CACNA1S: variants seen among roughly 807,000 people sequenced by gnomAD.
CACNA1S encodes calcium voltage-gated channel subunit alpha1 S.
A neutral mutation model predicts 207.4 loss-of-function variants in CACNA1S; 126 were observed. The ratio of observed to expected loss-of-function variants is 0.61; its 90% confidence interval spans 0.53 to 0.70. CACNA1S has a LOEUF of 0.70. Among genes scored for constraint, CACNA1S ranks in the 30% least tolerant of loss-of-function variants. The probability of loss-of-function intolerance (pLI) is 0.00; values close to 1 mark genes in which losing one functional copy is unlikely to be tolerated. For missense variants in CACNA1S, 2,349 were observed against 2,422.8 expected (o/e 0.97, Z 0.64); for synonymous variants, 960 against 932.7 (o/e 1.03, Z -0.53).
In CACNA1S at chr1:201,061,173, C is replaced by A. The variant is rs577693662; in HGVS notation, c.3255+94G>T. ...ATCAAATGCAGGTTCTGGGGTCACC[C>A]TTAGGCCTCTCTTCCCTGGCTGAAC... On this transcript the variant is annotated intron_variant, in intron 25 of 43. Coordinates refer to ENST00000362061, the MANE Select transcript of CACNA1S (RefSeq NM_000069.3). The A allele has an allele frequency of 1.1e-5, 12 of 1,114,860 alleles. No homozygotes were observed. In the Admixed American group the frequency reaches 1.9e-4, roughly 17 times the overall value. The allele number at this position is 1,114,860 out of a possible 1,614,324, so 69.1% of individuals were successfully genotyped here.
intron 43 of CACNA1S, 25 bp downstream of exon 43, chr1:201,040,206 T>G (rs1660089462): frequency 6.2e-7 from 1 of 1,612,870 alleles, no homozygotes; most frequent in East Asian, 2.2e-5. Flanking sequence ...ATGCAGCCAC[T>G]GCTGTGACCC....
intron 10 of CACNA1S, among the ~76,000 whole-genome samples, chr1:201,080,379 CT>C (rs1203544949): frequency 6.6e-6 from 1 of 152,094 alleles, no homozygotes; most frequent in African/African-American, 2.4e-5. Flanking sequence ...AAAATCACCC[CT>C]GACTCCTCTT....
rs1660693118 is a variant in CACNA1S, at chr1:201,052,603, T to C, written c.3907A>G (p.Asn1303Asp). The C allele has an allele frequency of 6.2e-7, 1 of 1,613,830 alleles. No homozygotes were observed. The highest frequency in any genetic ancestry group is 8.5e-7 in the Non-Finnish European group (1 of 1,179,972). Residue 1303 changes from asparagine to aspartate, a missense_variant, in exon 32 of 44, where the codon AAC becomes GAC. Physicochemically the swap from Asn to Asp is conservative, Grantham distance 23. Coordinates refer to ENST00000362061, the MANE Select transcript of CACNA1S (RefSeq NM_000069.3). ...TGTGGGAAGGTCTGGAAGTTGTTGT[T>C]CCGGTTTATTTGGGTCCCATCCACC... ...ALVDGTQINR[N>D]NNFQTFPQAV...
intron 10 of CACNA1S, among the ~76,000 whole-genome samples, chr1:201,079,179 G>C (rs1457835647): frequency 1.3e-5 from 2 of 149,460 alleles, no homozygotes; most frequent in Non-Finnish European, 3.0e-5. Context: ...TTCTATCCTA[G>C]CTCTCTCCTC....
chr1:201,050,620 T>C, intron 33 of CACNA1S, 104 bp from the exon 34 acceptor site: 4 of 1,362,804 alleles, frequency 2.9e-6, no homozygotes, highest in Non-Finnish European at 4.1e-6. Flanking sequence ...TCTCGCTTCC[T>C]GTGCCCTTGA....
Position 201,054,579 on chromosome 1 carries a change from GA to G in CACNA1S, c.3610-19del. ...AGGAAAGTCTGTGGAGAAAAGAGAC[GA>G]AGGGAGGGGAAGGAGAGGAGAGAGA... is the stretch of plus-strand genomic sequence containing the variant. On this transcript the variant is annotated intron_variant, in intron 28 of 43. Transcript: ENST00000362061. 6.2e-7 allele frequency: 1 copy of G among 1,603,630 alleles called. No individual in the cohort carries two copies. Among genetic ancestry groups the G allele is most frequent in the Non-Finnish European group, 8.5e-7 (1 of 1,173,600 alleles).
rs1662091140 is a variant in CACNA1S, at chr1:201,087,902, G to C, written c.928C>G (p.Pro310Ala). 3 of 1,613,364 alleles carry C rather than the reference G, an allele frequency of 1.9e-6. No individual in the cohort carries two copies. Among genetic ancestry groups the C allele is most frequent in the Non-Finnish European group, 1.7e-6 (2 of 1,179,482 alleles). The change falls in exon 7 of 44, where the codon CCC becomes GCC. Residue 310 changes from proline (P) to alanine (A), a missense_variant. By Grantham distance (27) the Pro-to-Ala change is conservative (BLOSUM62 -1). Transcript: ENST00000362061. ...WVNDAIGNEW[P>A]WIYFVTLILL... ...ATGAGGGTGACAAAATAGATCCAGGGCCACTCATTCCCGATGGCATCATTG... is the reference window on the plus strand; with the variant it reads ...ATGAGGGTGACAAAATAGATCCAGGCCCACTCATTCCCGATGGCATCATTG...
chr1:201,068,975 T>C (rs887851823), intron 19 of CACNA1S, among the ~76,000 whole-genome samples, 162 bp downstream of exon 19: 1 of 152,192 alleles, frequency 6.6e-6, no homozygotes, highest in Non-Finnish European at 1.5e-5. Context: ...CAGCCCTCCA[T>C]CCAGATACTT....
chr1:201,057,199 T>G (rs988152966), intron 28 of CACNA1S, among the ~76,000 whole-genome samples: 1 of 152,186 alleles, frequency 6.6e-6, no homozygotes, highest in African/African-American at 2.4e-5. Context: ...CTTCTCTCTC[T>G]TACCTCATCT....
At position 201,053,172 on chromosome 1, in the gene CACNA1S, A is replaced by G. The variant is rs1007252370; in HGVS notation, c.3861+37T>C. 6.2e-7 allele frequency: 1 copy of G among 1,613,568 alleles called. No individual in the cohort carries two copies. Among genetic ancestry groups the G allele is most frequent in the African/African-American group, 1.3e-5 (1 of 75,058 alleles). On this transcript the variant is annotated intron_variant, in intron 31 of 43. Coordinates refer to ENST00000362061, the MANE Select transcript of CACNA1S (RefSeq NM_000069.3). This position sits in a 1 kb window ranked among gnomAD's most constrained non-coding sequence, Gnocchi z 5.1. ...ACTGATGCCCCCTCTAACTTGGCCA[A>G]GATCCATGCTTTGGCCTGGGCCCGC...
chr1:201,050,735 A>G (rs1660618817), intron 33 of CACNA1S, among the ~76,000 whole-genome samples: 1 of 151,932 alleles, frequency 6.6e-6, no homozygotes, highest in South Asian at 2.1e-4. Context: ...ATTCCTTTTG[A>G]TGAGTGCTAA....
chr1:201,055,702 C>A (rs554872821), intron 28 of CACNA1S, among the ~76,000 whole-genome samples: 2 of 152,188 alleles, frequency 1.3e-5, no homozygotes, highest in Non-Finnish European at 2.9e-5. Context: ...AACCAATGTG[C>A]TCCCCTAGTC....
intron 28 of CACNA1S, among the ~76,000 whole-genome samples, chr1:201,055,409 T>C (rs531528961): frequency 1.3e-5 from 2 of 152,310 alleles, no homozygotes; most frequent in African/African-American, 4.8e-5. Context: ...TTAGGTCAAT[T>C]AAGTCAGCTT....
intron 10 of CACNA1S, among the ~76,000 whole-genome samples, chr1:201,079,613 G>A (rs1572052337): frequency 7.0e-6 from 1 of 143,178 alleles, no homozygotes; most frequent in African/African-American, 2.7e-5. Context: ...TGACCGCTCT[G>A]GGACCCGCAG....
In CACNA1S at chr1:201,069,568, G is replaced by A. The variant is rs1661379295; in HGVS notation, c.2394C>T (p.Ala798=). The change falls in exon 18 of 44, where the codon GCC becomes GCT. Residue 798 remains alanine, a synonymous_variant. Transcript: ENST00000362061. ...GCAGGATGAAGTTGGTAAACCAGGTGGCATTGACGATGCGGTGACACAGGA... is the reference window on the plus strand; with the variant it reads ...GCAGGATGAAGTTGGTAAACCAGGTAGCATTGACGATGCGGTGACACAGGA... The part of the protein sequence containing the change: ...IRVLCHRIVN[A]TWFTNFILLF... 1 of 1,566,030 alleles carries A rather than the reference G, an allele frequency of 6.4e-7. No homozygotes were observed. The highest frequency in any genetic ancestry group is 2.3e-5 in the East Asian group (1 of 43,092).
At chr1:201,044,521 CT>C (rs1660409860) in intron 38 of CACNA1S, 65 bp from the exon 39 acceptor site, 4 of 1,584,276 alleles carry the variant, frequency 2.5e-6, no homozygotes, top group Non-Finnish European at 2.6e-6. Context: ...ACCACTTTTT[CT>C]TTTTTTGAGA....
At chr1:201,056,070 G>GACACACACACAC (rs58170287) in intron 28 of CACNA1S, among the ~76,000 whole-genome samples, 2,332 of 94,872 alleles carry the variant, frequency 0.025, 56 homozygotes, top group South Asian at 0.17. Flanking sequence ...CAGACAGACA[G>GACACACACACAC]ACACACACAC....
At chr1:201,101,492 G>A (rs59161304) in intron 2 of CACNA1S, among the ~76,000 whole-genome samples, 2,065 of 152,350 alleles carry the variant, frequency 0.014, 47 homozygotes, top group African/African-American at 0.047. Flanking sequence ...TAGCAACTTT[G>A]ACACAGGGGC....
rs775792491 is a variant in CACNA1S at position 201,065,930 on chromosome 1, T to C, written c.2761A>G (p.Met921Val). 1.9e-6 allele frequency: 3 copies of C among 1,612,734 alleles called. No homozygotes were observed. Among genetic ancestry groups the C allele is most frequent in the South Asian group, 2.2e-5 (2 of 90,960 alleles). Residue 921 changes from methionine (M) to valine (V), a missense_variant, in exon 22 of 44, where the codon ATG (methionine) becomes GTG (valine). Coordinates refer to ENST00000362061, the MANE Select transcript of CACNA1S (RefSeq NM_000069.3). Reference sequence around the variant, plus strand: ...CCGATGGTGCTGATGGCCACGAACATGCACTGCACCACGTGCTGGGGACAG... The same window carrying C: ...CCGATGGTGCTGATGGCCACGAACACGCACTGCACCACGTGCTGGGGACAG... ...AKGLKHVVQC[M>V]FVAISTIGNI...
Sources: gnomAD v4.1 joint callset for allele counts (sites outside exome capture counted in the v4.1 genomes callset) on GRCh38, gnomAD v4.1.1 for gene constraint, Gnocchi (gnomAD v3.1) non-coding constraint, MANE v1.5 for transcripts, NCBI Gene and HGNC (gene_info 2026-07-23, HGNC 2026-07-21) for gene names.